The following CYB5R4 variants were observed in gnomAD, a reference collection of about 807,000 sequenced individuals.
CYB5R4 encodes cytochrome b5 reductase 4.
Under a neutral mutation model 70.2 loss-of-function variants are expected in CYB5R4, and 55 were observed. The ratio of observed to expected loss-of-function variants is 0.78; its 90% confidence interval spans 0.63 to 0.98. The LOEUF is 0.98. CYB5R4 is among the 50% of genes least tolerant of loss of function. CYB5R4 has a pLI of 0.00. For missense variants in CYB5R4, 562 were observed against 612.6 expected (o/e 0.92, Z 0.87); for synonymous variants, 197 against 199.5 (o/e 0.99, Z 0.11).
Position 83,921,184 on chromosome 6 carries a change from T to TTTA in CYB5R4, c.658+19_658+21dup. On this transcript the variant is annotated intron_variant, in intron 8 of 15. Coordinates refer to ENST00000369681, the MANE Select transcript of CYB5R4 (RefSeq NM_016230.4). ...ATATCTTATACATATTGGTGAGTAC[T>TTTA]TTATTATTATTAATGGAAAGAGCTC... is the stretch of plus-strand genomic sequence containing the variant. 7 of 1,473,670 alleles carry TTTA rather than the reference T, an allele frequency of 4.8e-6. No individual in the cohort carries two copies. In the South Asian group the frequency reaches 9.0e-5, roughly 19 times the overall value. The allele number at this position is 1,473,670 out of a possible 1,614,324, so 91.3% of individuals were successfully genotyped here.
chr6:83,914,334 C>CACA, intron 4 of CYB5R4, 82 bp from the exon 5 acceptor site: 1 of 1,397,334 alleles, frequency 7.2e-7, no homozygotes, highest in South Asian at 1.3e-5. Context: ...GGGATGTTAT[C>CACA]TTGAAATCAG....
chr6:83,902,540 T>C (rs1164816837), intron 3 of CYB5R4, among the ~76,000 whole-genome samples: 1 of 152,198 alleles, frequency 6.6e-6, no homozygotes, highest in Non-Finnish European at 1.5e-5. Context: ...AGGATTGTTT[T>C]TTCTATTTCT....
intron 3 of CYB5R4, among the ~76,000 whole-genome samples, chr6:83,894,496 T>G (rs1022638403): frequency 6.6e-6 from 1 of 152,192 alleles, no homozygotes; most frequent in Admixed American, 6.6e-5. Context: ...TTGACCATGT[T>G]GCCAGAAATA....
chr6:83,945,908 T>C (rs1221246749), intron 14 of CYB5R4, among the ~76,000 whole-genome samples: 2 of 152,082 alleles, frequency 1.3e-5, no homozygotes, highest in Non-Finnish European at 2.9e-5. Flanking sequence ...CAGTAACAAG[T>C]TCTGAAACTG....
chr6:83,923,551 A>C (rs1165684654), intron 9 of CYB5R4, among the ~76,000 whole-genome samples: 1 of 152,202 alleles, frequency 6.6e-6, no homozygotes, highest in African/African-American at 2.4e-5. Flanking sequence ...TTAAATCTTT[A>C]AAAGCATGTT....
chr6:83,874,515 A>C (rs1588560220), intron 2 of CYB5R4, among the ~76,000 whole-genome samples: 1 of 147,518 alleles, frequency 6.8e-6, no homozygotes. Context: ...ATTCTTTCTC[A>C]GACCTTTTTT....
chr6:83,917,346 C>T (rs540843260), intron 5 of CYB5R4, among the ~76,000 whole-genome samples: 164 of 152,146 alleles, frequency 1.1e-3, no homozygotes, highest in African/African-American at 3.7e-3. Flanking sequence ...TCTTCTAAAG[C>T]TAAACATACA....
At chr6:83,863,042 C>T (rs1588556501) in intron 1 of CYB5R4, among the ~76,000 whole-genome samples, 1 of 152,198 alleles carries the variant, frequency 6.6e-6, no homozygotes, top group Non-Finnish European at 1.5e-5. Flanking sequence ...TCTGTTACTA[C>T]GTTACAAATT....
chr6:83,908,535 T>C (rs1456512648), intron 3 of CYB5R4, among the ~76,000 whole-genome samples: 1 of 152,216 alleles, frequency 6.6e-6, no homozygotes, highest in Non-Finnish European at 1.5e-5. Flanking sequence ...ATTTTTCTAC[T>C]TCATGAAGGA....
rs1271721998 is a variant in CYB5R4 at position 83,956,681 on chromosome 6, T to TC, written c.1511+1224dup. 5.9e-5 allele frequency among the ~76,000 whole-genome samples: 9 copies of TC among 152,058 alleles called. 1 individual carries two copies. The South Asian group carries it at 1.9e-3, about 32-fold the overall frequency. On this transcript the variant is annotated intron_variant, in intron 15 of 15. Coordinates refer to ENST00000369681, the MANE Select transcript of CYB5R4 (RefSeq NM_016230.4). The stretch of plus-strand genomic sequence containing the variant: ...TAGGATTCTTTACAGATGCAAATTT[T>TC]CCCCCACAAAGGACAGATTTGCAGG...
intron 2 of CYB5R4, among the ~76,000 whole-genome samples, chr6:83,873,235 CTTTTTTTT>C (rs927399068): frequency 1.0e-5 from 1 of 99,782 alleles, no homozygotes; most frequent in South Asian, 3.2e-4. Flanking sequence ...GGGTATCCTT[CTTTTTTTT>C]TTTTTTTTTT....
At chr6:83,922,989 GC>G (rs2129140236) in intron 9 of CYB5R4, among the ~76,000 whole-genome samples, 1 of 150,852 alleles carries the variant, frequency 6.6e-6, no homozygotes, top group African/African-American at 2.4e-5. Flanking sequence ...TTCACATGTG[GC>G]CCCGACTGGC....
At chr6:83,930,067 A>G (rs2099467929) in intron 10 of CYB5R4, among the ~76,000 whole-genome samples, 1 of 152,212 alleles carries the variant, frequency 6.6e-6, no homozygotes, top group African/African-American at 2.4e-5. Flanking sequence ...TATGTCTTAA[A>G]AACAACTTAT....
intron 14 of CYB5R4, among the ~76,000 whole-genome samples, chr6:83,951,051 C>A (rs1371084880): frequency 4.0e-5 from 6 of 151,540 alleles, no homozygotes; most frequent in Admixed American, 6.6e-5. Flanking sequence ...AAATATCTTA[C>A]AATTCACAGG....
At chr6:83,923,512 A>C (rs2099466764) in intron 9 of CYB5R4, among the ~76,000 whole-genome samples, 1 of 152,218 alleles carries the variant, frequency 6.6e-6, no homozygotes, top group South Asian at 2.1e-4. Flanking sequence ...AGAGCAGAAC[A>C]TTGTTTCTGA....
chr6:83,871,007 AC>A (rs1275588248), intron 2 of CYB5R4, among the ~76,000 whole-genome samples: 1 of 104,684 alleles, frequency 9.6e-6, no homozygotes, highest in African/African-American at 4.1e-5. Flanking sequence ...ATGGAGTTTC[AC>A]TCTTGTCACC....
intron 4 of CYB5R4, among the ~76,000 whole-genome samples, chr6:83,912,277 C>G (rs2099464822): frequency 6.6e-6 from 1 of 152,060 alleles, no homozygotes; most frequent in Admixed American, 6.6e-5. Flanking sequence ...GTATGATAAG[C>G]AGACTGAATA....
intron 2 of CYB5R4, among the ~76,000 whole-genome samples, chr6:83,886,454 AAG>A (rs2099460260): frequency 6.6e-6 from 1 of 152,254 alleles, no homozygotes; most frequent in African/African-American, 2.4e-5. Flanking sequence ...CATCCCTAAA[AAG>A]AAAAAATACT....
intron 14 of CYB5R4, among the ~76,000 whole-genome samples, chr6:83,947,867 AAAC>A (rs2099470871): frequency 2.0e-5 from 3 of 152,062 alleles, no homozygotes; most frequent in South Asian, 2.1e-4. Context: ...AAAAGTCAGG[AAAC>A]AACATGCTGG....
Sources: allele counts gnomAD v4.1 joint callset (sites outside exome capture counted in the v4.1 genomes callset), GRCh38; gene constraint gnomAD v4.1.1; transcripts MANE v1.5; gene names NCBI Gene and HGNC (gene_info 2026-07-23, HGNC 2026-07-21).